CDKL4: variants seen among roughly 807,000 people sequenced by gnomAD.
CDKL4 encodes cyclin-dependent kinase-like 4.
A neutral mutation model predicts 42.0 loss-of-function variants in CDKL4; 44 were observed. The observed-to-expected ratio is 1.05, with a 90% CI of 0.82 to 1.35. CDKL4 has a LOEUF of 1.35. CDKL4 is among the 40% of genes most tolerant of loss of function. The pLI, the probability that CDKL4 is intolerant of heterozygous loss-of-function variation, is 0.00. For synonymous variants in CDKL4, 120 were observed against 121.6 expected (o/e 0.99, Z 0.09); for missense variants, 393 against 369.9 (o/e 1.06, Z -0.51).
At chr2:39,235,583 A>G (rs924566446) in intron 1 of CDKL4, among the ~76,000 whole-genome samples, 1 of 152,176 alleles carries the variant, frequency 6.6e-6, no homozygotes, top group Non-Finnish European at 1.5e-5. Flanking sequence ...TATCTCTACA[A>G]AAAGATTTTA....
intron 3 of CDKL4, among the ~76,000 whole-genome samples, chr2:39,214,410 TA>T (rs1208763145): frequency 6.6e-6 from 1 of 152,170 alleles, no homozygotes; most frequent in Admixed American, 6.5e-5. Context: ...TGTACACATA[TA>T]TTTTAGAGGC....
At chr2:39,212,485 G>A (rs1386578617) in intron 4 of CDKL4, among the ~76,000 whole-genome samples, 6 of 151,564 alleles carry the variant, frequency 4.0e-5, no homozygotes, top group Admixed American at 2.6e-4. Context: ...CGCCTGCCTC[G>A]GCCTCCCAAA....
chr2:39,173,254 T>G (rs1017207020), downstream of CDKL4, among the ~76,000 whole-genome samples: 1 of 152,208 alleles, frequency 6.6e-6, no homozygotes, highest in African/African-American at 2.4e-5. Flanking sequence ...GCTAGAGCAG[T>G]ATGAGTGGTT....
chr2:39,185,705 C>T (rs1362251038), intron 7 of CDKL4, among the ~76,000 whole-genome samples: 2 of 151,722 alleles, frequency 1.3e-5, no homozygotes, highest in Non-Finnish European at 2.9e-5. Context: ...TAGTGATCCG[C>T]CTGCCTCGGC....
At chr2:39,174,399 C>CA (rs34376013), downstream of CDKL4, among the ~76,000 whole-genome samples, 106,151 of 143,620 alleles carry the variant, frequency 0.74, 42,620 homozygotes, top group Non-Finnish European at 0.91. Context: ...GACCCTGTCT[C>CA]AAAAAAAAAA....
At chr2:39,243,488 G>C (rs1475820397) in intron 1 of CDKL4, among the ~76,000 whole-genome samples, 1 of 152,250 alleles carries the variant, frequency 6.6e-6, no homozygotes, top group Non-Finnish European at 1.5e-5. Context: ...CACATTTCGT[G>C]TGTGCACATA....
At chr2:39,195,185 C>T (rs566396881) in intron 5 of CDKL4, among the ~76,000 whole-genome samples, 2 of 152,304 alleles carry the variant, frequency 1.3e-5, no homozygotes, top group South Asian at 4.1e-4. Context: ...GTATATACCA[C>T]ATTTTGTTTA....
At chr2:39,235,127 C>G (rs954676549) in intron 1 of CDKL4, among the ~76,000 whole-genome samples, 1 of 152,104 alleles carries the variant, frequency 6.6e-6, no homozygotes, top group African/African-American at 2.4e-5. Context: ...ATTTTCCCAC[C>G]TTGGCCTCCC....
At chr2:39,187,069 A>G (rs1675869359) in intron 7 of CDKL4, among the ~76,000 whole-genome samples, 1 of 152,112 alleles carries the variant, frequency 6.6e-6, no homozygotes, top group South Asian at 2.1e-4. Flanking sequence ...TGATTGGATC[A>G]TGACGGGGGT....
intron 4 of CDKL4, among the ~76,000 whole-genome samples, chr2:39,208,666 A>G (rs1677365798): frequency 6.7e-6 from 1 of 149,726 alleles, no homozygotes; most frequent in Admixed American, 6.6e-5. Context: ...TTAGCAAACA[A>G]TGCTCAGGTT....
intron 1 of CDKL4, among the ~76,000 whole-genome samples, chr2:39,231,760 A>T (rs767165941): frequency 2.0e-5 from 3 of 152,208 alleles, no homozygotes; most frequent in Non-Finnish European, 2.9e-5. Flanking sequence ...TTAGAAAGTT[A>T]TTGGCATCTG....
rs1001555016 is a variant in CDKL4, at chr2:39,213,526, G to A, written c.291-54C>T. The A allele has an allele frequency of 3.2e-6, 4 of 1,239,102 alleles. No individual in the cohort carries two copies. The Admixed American group carries it at 6.8e-5, about 21-fold the overall frequency. 76.8% of individuals were successfully genotyped at this position (1,239,102 alleles called of 1,614,324 possible). ...AAACTCATAGGATAGAGTTCCAGAA[G>A]CAAGGGCTGGGAATAGAAGTGGAGT... On this transcript the variant is annotated intron_variant, in intron 3 of 9. Transcript: ENST00000451199.
At chr2:39,178,600 A>G (rs1675265234) in intron 9 of CDKL4, 2 of 1,556,680 alleles carry the variant, frequency 1.3e-6, no homozygotes, top group African/African-American at 1.4e-5. Flanking sequence ...GTCACCTGAT[A>G]AACTGCAGAA....
intron 1 of CDKL4, among the ~76,000 whole-genome samples, chr2:39,236,672 T>C (rs879163119): frequency 6.6e-6 from 1 of 152,052 alleles, no homozygotes; most frequent in Non-Finnish European, 1.5e-5. Flanking sequence ...AGTGAAGCTC[T>C]AGCTAGAGTA....
intron 5 of CDKL4, among the ~76,000 whole-genome samples, chr2:39,193,870 G>A (rs538824091): frequency 3.0e-4 from 45 of 152,236 alleles, no homozygotes; most frequent in Admixed American, 2.2e-3. Context: ...GAGCTGTAGC[G>A]TTTCTCATGT....
At chr2:39,229,839 G>A (rs1678987034) in intron 1 of CDKL4, among the ~76,000 whole-genome samples, 1 of 152,130 alleles carries the variant, frequency 6.6e-6, no homozygotes, top group Non-Finnish European at 1.5e-5. Flanking sequence ...AAGAATTTGT[G>A]GAAAGGAAAC....
rs778907747 is a variant in CDKL4, at chr2:39,225,876, G to C, written c.253C>G (p.His85Asp). ...CTTTCCAGCTCATTTAAAAGTGTAT[G>C]ATCACAGTATTCAAAAACTAAATGC... Residue 85 changes from histidine to aspartate, a missense_variant, in exon 3 of 10, where the codon CAT (histidine) becomes GAT (aspartate). His to Asp is a moderately conservative substitution (Grantham distance 81). Transcript: ENST00000451199. 1.5e-5 allele frequency: 24 copies of C among 1,610,796 alleles called. No homozygotes were observed. In the East Asian group the frequency reaches 5.4e-4, roughly 36 times the overall value.
chr2:39,199,707 C>T (rs546779363), intron 5 of CDKL4, among the ~76,000 whole-genome samples: 1 of 152,212 alleles, frequency 6.6e-6, no homozygotes, highest in South Asian at 2.1e-4. Context: ...AAATGCGATA[C>T]ACCACATAAA....
downstream of CDKL4, among the ~76,000 whole-genome samples, chr2:39,172,163 T>G (rs1267857834): frequency 2.0e-5 from 3 of 151,352 alleles, no homozygotes; most frequent in Non-Finnish European, 4.4e-5. Flanking sequence ...ACAAAAAAAA[T>G]TAGCTGGGCA....
Sources: gnomAD v4.1 joint callset for allele counts (sites outside exome capture counted in the v4.1 genomes callset) on GRCh38, gnomAD v4.1.1 for gene constraint, MANE v1.5 for transcripts, NCBI Gene and HGNC (gene_info 2026-07-23, HGNC 2026-07-21) for gene names.